The following GRIK1 variants were observed in gnomAD, a reference collection of about 807,000 sequenced individuals.
The protein encoded by GRIK1 is glutamate ionotropic receptor kainate type subunit 1, also known as glutamate receptor ionotropic, kainate 1.
Under a neutral mutation model 105.7 loss-of-function variants are expected in GRIK1, and 69 were observed. The ratio of observed to expected loss-of-function variants is 0.65; its 90% CI spans 0.54 to 0.80. GRIK1 has a LOEUF of 0.80. Ranked by LOEUF, GRIK1 falls within the 30% of genes least tolerant of loss-of-function variation. The pLI is 0.00. For missense variants in GRIK1, 1,109 were observed against 1,167.3 expected, an observed-to-expected ratio of 0.95 and a Z score of 0.73; for synonymous variants, 438 against 431.3, an observed-to-expected ratio of 1.02 and a Z score of -0.19.
chr21:29,801,245 A>C (rs1053367295), intron 1 of GRIK1, among the ~76,000 whole-genome samples: 3 of 151,778 alleles, frequency 2.0e-5, no homozygotes, highest in African/African-American at 7.3e-5. Flanking sequence ...TTAGGTGGGT[A>C]CAAAAGTAAT....
At chr21:29,680,220 G>T (rs2146674317) in intron 3 of GRIK1, among the ~76,000 whole-genome samples, 1 of 152,284 alleles carries the variant, frequency 6.6e-6, no homozygotes, top group Middle Eastern at 3.4e-3. Context: ...TTCCCTCAAA[G>T]ACCCTACAAT....
At chr21:29,693,722 A>G (rs2063630566) in intron 2 of GRIK1, among the ~76,000 whole-genome samples, 174 bp downstream of exon 2, 1 of 152,208 alleles carries the variant, frequency 6.6e-6, no homozygotes, top group Non-Finnish European at 1.5e-5. Context: ...GTGCTCAGCA[A>G]CGTCCATTAG....
At chr21:29,868,903 A>G (rs139948447) in intron 1 of GRIK1, among the ~76,000 whole-genome samples, 10 of 152,318 alleles carry the variant, frequency 6.6e-5, no homozygotes, top group South Asian at 6.2e-4. Flanking sequence ...GCCTGAAAAA[A>G]CAGAGGTTTG....
intron 14 of GRIK1, among the ~76,000 whole-genome samples, chr21:29,564,130 T>G (rs966695433): frequency 7.9e-5 from 12 of 152,198 alleles, no homozygotes; most frequent in Non-Finnish European, 1.6e-4. Flanking sequence ...AACATTAAAT[T>G]TTTTCACCAC....
intron 1 of GRIK1, among the ~76,000 whole-genome samples, chr21:29,820,653 A>G (rs987778442): frequency 1.3e-5 from 1 of 78,920 alleles, no homozygotes; most frequent in Non-Finnish European, 2.5e-5. Context: ...TTTAGACTCT[A>G]TGGGACTATA....
intron 3 of GRIK1, 138 bp downstream of exon 3, chr21:29,689,590 T>C: frequency 2.7e-6 from 2 of 728,322 alleles, no homozygotes; most frequent in Non-Finnish European, 4.8e-6. Flanking sequence ...ATTATTAAAT[T>C]ACTTCAGAAT....
chr21:29,653,251 C>A (rs1295840735), intron 5 of GRIK1, among the ~76,000 whole-genome samples: 1 of 152,102 alleles, frequency 6.6e-6, no homozygotes, highest in Non-Finnish European at 1.5e-5. Context: ...CAGAAACTGC[C>A]AGAATACACA....
At chr21:29,776,000 C>A (rs2065934646) in intron 1 of GRIK1, among the ~76,000 whole-genome samples, 1 of 152,108 alleles carries the variant, frequency 6.6e-6, no homozygotes, top group African/African-American at 2.4e-5. Context: ...ACAATCATGG[C>A]GGAAGGTGAA....
intron 1 of GRIK1, among the ~76,000 whole-genome samples, chr21:29,829,876 A>C (rs2067576817): frequency 6.6e-6 from 1 of 152,190 alleles, no homozygotes; most frequent in South Asian, 2.1e-4. Flanking sequence ...AAAACATGTA[A>C]GAATACACTT....
intron 1 of GRIK1, among the ~76,000 whole-genome samples, chr21:29,882,626 C>G (rs187091177): frequency 2.6e-5 from 4 of 152,186 alleles, no homozygotes; most frequent in African/African-American, 9.6e-5. Flanking sequence ...AAAGAACTTA[C>G]AAAGGGAAAA....
Position 29,756,232 on chromosome 21 carries a change from T to C in GRIK1, c.119-62169A>G, listed in dbSNP as rs151081839. On this transcript the variant is annotated intron_variant, in intron 1 of 17. Transcript: ENST00000327783. ...CCGTCTCTACTAAAAATACAAAAAA[T>C]TTGTGTGGTGTAGTGGCGGGCGCCT... Among the ~76,000 whole-genome samples, 442 of 151,986 alleles carry C rather than the reference T, an allele frequency of 2.9e-3. 2 individuals are homozygous for C. The highest frequency in any genetic ancestry group is 7.6e-3 in the African/African-American group (317 of 41,438).
intron 1 of GRIK1, among the ~76,000 whole-genome samples, chr21:29,901,062 C>T (rs2070388837): frequency 6.6e-6 from 1 of 152,078 alleles, no homozygotes; most frequent in African/African-American, 2.4e-5. Flanking sequence ...GAAATGAAGG[C>T]AGAAATAAAG....
chr21:29,551,869 G>C (rs73897699), intron 16 of GRIK1, among the ~76,000 whole-genome samples: 2,385 of 152,126 alleles, frequency 0.016, 73 homozygotes, highest in African/African-American at 0.054. Context: ...ATGAAACTAA[G>C]AATAATGTCA....
At chr21:29,629,227 T>TGTGTGTGG in intron 7 of GRIK1, among the ~76,000 whole-genome samples, 2 of 141,052 alleles carry the variant, frequency 1.4e-5, no homozygotes, top group African/African-American at 5.4e-5. Context: ...TGTGTGTGTG[T>TGTGTGTGG]GTGTGTGCTA....
At chr21:29,934,457 C>G (rs2071678467) in intron 1 of GRIK1, among the ~76,000 whole-genome samples, 1 of 152,010 alleles carries the variant, frequency 6.6e-6, no homozygotes, top group African/African-American at 2.4e-5. Flanking sequence ...CTAGATTTTT[C>G]CAGCGCCCAC....
chr21:29,651,598 G>A (rs2062738521), intron 5 of GRIK1, among the ~76,000 whole-genome samples: 1 of 152,130 alleles, frequency 6.6e-6, no homozygotes, highest in Non-Finnish European at 1.5e-5. Context: ...TACTACAGAT[G>A]CCACCTGCTC....
At chr21:29,583,505 T>C (rs1473114816) in intron 12 of GRIK1, among the ~76,000 whole-genome samples, 3 of 152,176 alleles carry the variant, frequency 2.0e-5, no homozygotes, top group African/African-American at 7.2e-5. Flanking sequence ...TTCAATATTC[T>C]GACATTTCTC....
chr21:29,855,512 C>G (rs2068436675), intron 1 of GRIK1, among the ~76,000 whole-genome samples: 1 of 152,164 alleles, frequency 6.6e-6, no homozygotes, highest in African/African-American at 2.4e-5. Context: ...GCATCTTAGA[C>G]CAAGTACAGT....
intron 1 of GRIK1, among the ~76,000 whole-genome samples, chr21:29,828,448 A>G (rs555118044): frequency 6.1e-4 from 56 of 92,304 alleles, no homozygotes; most frequent in Non-Finnish European, 1.0e-3. Context: ...ATTTGACACT[A>G]TAAAATGCAG....
Sources: gnomAD v4.1 joint callset for allele counts (sites outside exome capture counted in the v4.1 genomes callset) on GRCh38, gnomAD v4.1.1 for gene constraint, MANE v1.5 for transcripts, NCBI Gene and HGNC (gene_info 2026-07-23, HGNC 2026-07-21) for gene names.